Variants in SCAPER observed in about 807,000 individuals in gnomAD.
SCAPER encodes the protein S phase cyclin A-associated protein in the endoplasmic reticulum.
Under a neutral mutation model 182.2 loss-of-function variants are expected in SCAPER, and 98 were observed. The ratio of observed to expected loss-of-function variants is 0.54; its 90% confidence interval spans 0.46 to 0.64. The LOEUF (loss-of-function observed/expected upper bound fraction) is 0.64. Among genes scored for constraint, SCAPER ranks in the 30% least tolerant of loss-of-function variants. The pLI is 0.00. For synonymous variants in SCAPER, 605 were observed against 564.6 expected (o/e 1.07, Z -1.01); for missense variants, 1,432 against 1,690.0 (o/e 0.85, Z 2.68).
chr15:76,715,003 A>T (rs776434190), intron 17 of SCAPER, among the ~76,000 whole-genome samples: 1 of 152,140 alleles, frequency 6.6e-6, no homozygotes, highest in Admixed American at 6.5e-5. Context: ...GCAGCATGAC[A>T]TCCCCCAGCT....
At chr15:76,625,295 G>C (rs1248296959) in intron 21 of SCAPER, among the ~76,000 whole-genome samples, 2 of 152,192 alleles carry the variant, frequency 1.3e-5, no homozygotes, top group Non-Finnish European at 2.9e-5. Context: ...CTACTAGGGA[G>C]AATGAGGTTG....
intron 29 of SCAPER, among the ~76,000 whole-genome samples, chr15:76,375,527 T>A (rs921852170): frequency 6.6e-6 from 1 of 152,104 alleles, no homozygotes; most frequent in African/African-American, 2.4e-5. Context: ...AAAACCCTGA[T>A]AGCTAGAGCA....
chr15:76,357,300 C>G (rs762713339), intron 29 of SCAPER, among the ~76,000 whole-genome samples: 30 of 152,022 alleles, frequency 2.0e-4, no homozygotes, highest in Non-Finnish European at 4.0e-4. Context: ...ACCCAAAATG[C>G]TGGATCTTTA....
chr15:76,588,812 G>C (rs566181137), intron 22 of SCAPER, among the ~76,000 whole-genome samples: 18 of 152,246 alleles, frequency 1.2e-4, no homozygotes, highest in Non-Finnish European at 1.5e-4. Flanking sequence ...GGGTGTTAAA[G>C]AACCTTGTTT....
intron 26 of SCAPER, among the ~76,000 whole-genome samples, chr15:76,413,908 G>A (rs529376573): frequency 1.1e-4 from 16 of 152,274 alleles, no homozygotes; most frequent in African/African-American, 3.9e-4. Context: ...TCTTTTGCCA[G>A]CATCCATGAA....
rs1245213272 is a variant in SCAPER, at chr15:76,604,485, C to T, written c.2711+17279G>A. 2.5e-5 allele frequency among the ~76,000 whole-genome samples: 3 copies of T among 120,462 alleles called. 1 individual carries two copies. Among genetic ancestry groups the T allele is most frequent in the Non-Finnish European group, 4.0e-5 (2 of 49,740 alleles). The allele number at this position is 120,462 out of a possible 152,430, so 79.0% of individuals were successfully genotyped here. ...GATGCCTCCAGCTTCGTTCTTTTGC[C>T]TTAGGATTGACTTGGCGATGCGGGC... On this transcript the variant is annotated intron_variant, in intron 22 of 31. Coordinates refer to ENST00000563290, the MANE Select transcript of SCAPER (RefSeq NM_020843.4).
chr15:76,742,262 C>T (rs1396042220), intron 15 of SCAPER, among the ~76,000 whole-genome samples: 1 of 151,270 alleles, frequency 6.6e-6, no homozygotes, highest in African/African-American at 2.4e-5. Context: ...AAGCTCAGGC[C>T]ACTATTTCTC....
At chr15:76,692,497 C>T (rs1385865413) in intron 20 of SCAPER, among the ~76,000 whole-genome samples, 4 of 151,516 alleles carry the variant, frequency 2.6e-5, no homozygotes, top group African/African-American at 9.7e-5. Flanking sequence ...GAGACCAGCC[C>T]GGCCAAAGTG....
intron 29 of SCAPER, among the ~76,000 whole-genome samples, chr15:76,367,822 G>A (rs148692975): frequency 0.012 from 1,883 of 152,156 alleles, 23 homozygotes; most frequent in Non-Finnish European, 0.018. Flanking sequence ...AAATTTCTCC[G>A]TTCTTATGTC....
chr15:76,584,736 AAGAC>A (rs1348564477), intron 22 of SCAPER, among the ~76,000 whole-genome samples: 2 of 152,048 alleles, frequency 1.3e-5, no homozygotes, highest in Non-Finnish European at 2.9e-5. Context: ...TTATTTGTAA[AAGAC>A]AGGGTCTTGC....
intron 25 of SCAPER, among the ~76,000 whole-genome samples, chr15:76,457,309 G>A (rs900392918): frequency 7.2e-5 from 11 of 151,760 alleles, no homozygotes; most frequent in South Asian, 2.1e-4. Context: ...GTGATCCGTC[G>A]GCCTCGGCCT....
chr15:76,627,796 G>T (rs1255068008), intron 21 of SCAPER, among the ~76,000 whole-genome samples: 1 of 151,914 alleles, frequency 6.6e-6, no homozygotes, highest in Non-Finnish European at 1.5e-5. Context: ...TATTCCTTTG[G>T]GTATATACCT....
chr15:76,873,311 AAGGAAGGAAGGAAGGAAGGAAGGCAGGC>A lies in SCAPER; in HGVS notation c.6+10473_6+10500del, dbSNP rs1568382066. ...GAAGGAAGGAAGGAAGGAAGGAAGG[AAGGAAGGAAGGAAGGAAGGAAGGCAGGC>A]AGGCAGGCAGGCAGGCAGGCAGGCA... On this transcript the variant is annotated intron_variant, in intron 2 of 31. Transcript: ENST00000563290. Among the ~76,000 whole-genome samples the A allele has an allele frequency of 4.3e-5, 5 of 115,288 alleles. No individual in the cohort carries two copies. The South Asian group carries it at 1.1e-3, about 24-fold the overall frequency. The allele number at this position is 115,288 out of a possible 152,430, so 75.6% of individuals were successfully genotyped here.
chr15:76,782,359 C>T (rs34998733), intron 8 of SCAPER, among the ~76,000 whole-genome samples: 40,361 of 151,738 alleles, frequency 0.27, 6,266 homozygotes, highest in East Asian at 0.55. Flanking sequence ...TATATGCACC[C>T]AATACACTCA....
intron 21 of SCAPER, among the ~76,000 whole-genome samples, chr15:76,630,334 C>T (rs2052990533): frequency 6.6e-6 from 1 of 152,062 alleles, no homozygotes. Context: ...TTCTTTTCTT[C>T]TCCTAGCTTT....
chr15:76,686,792 A>G (rs1160546899), intron 20 of SCAPER, among the ~76,000 whole-genome samples: 2 of 152,176 alleles, frequency 1.3e-5, no homozygotes, highest in Non-Finnish European at 2.9e-5. Flanking sequence ...ACAAGTCCCT[A>G]AAGATTACAT....
At chr15:76,531,193 A>G (rs2043632820) in intron 23 of SCAPER, among the ~76,000 whole-genome samples, 1 of 152,198 alleles carries the variant, frequency 6.6e-6, no homozygotes, top group Admixed American at 6.5e-5. Flanking sequence ...TATATTAGCA[A>G]AAGTTGAGGA....
chr15:76,796,671 G>A (rs925242193), intron 7 of SCAPER, among the ~76,000 whole-genome samples: 1 of 152,114 alleles, frequency 6.6e-6, no homozygotes, highest in East Asian at 1.9e-4. Flanking sequence ...TACCACACAC[G>A]AATTAACGGC....
intron 20 of SCAPER, among the ~76,000 whole-genome samples, chr15:76,686,757 G>A (rs558977860): frequency 2.0e-4 from 31 of 152,032 alleles, no homozygotes; most frequent in Non-Finnish European, 1.3e-4. Context: ...ATGAATATAA[G>A]CATTATAATA....
Sources: gnomAD v4.1 joint callset for allele counts (sites outside exome capture counted in the v4.1 genomes callset) on GRCh38, gnomAD v4.1.1 for gene constraint, MANE v1.5 for transcripts, NCBI Gene and HGNC (gene_info 2026-07-23, HGNC 2026-07-21) for gene names.